NRXN3: variants seen among roughly 807,000 people sequenced by gnomAD.
The protein encoded by NRXN3 is neurexin 3, also known as neurexin III.
NRXN3 carries 32 observed loss-of-function variants against 137.6 expected under a neutral mutation model. The observed-to-expected ratio is 0.23, with a 90% CI of 0.18 to 0.31. The LOEUF is 0.31. NRXN3 is among the 10% of genes least tolerant of loss of function. The pLI, the probability that NRXN3 is intolerant of heterozygous loss-of-function variation, is 1.00. For synonymous variants in NRXN3, 798 were observed against 784.5 expected (o/e 1.02, Z -0.29); for missense variants, 1,574 against 2,062.5 (o/e 0.76, Z 4.59).
intron 15 of NRXN3, among the ~76,000 whole-genome samples, chr14:79,139,081 T>C (rs941295251): frequency 2.0e-5 from 3 of 152,338 alleles, no homozygotes; most frequent in Middle Eastern, 3.4e-3. Flanking sequence ...GGCCAATGGC[T>C]TTGTCAGTGC....
At chr14:79,203,863 G>A (rs11159402) in intron 15 of NRXN3, among the ~76,000 whole-genome samples, 4,127 of 152,250 alleles carry the variant, frequency 0.027, 79 homozygotes, top group South Asian at 0.062. Context: ...TGACTCATTT[G>A]GCCAATGGAG....
At chr14:78,722,938 GA>G (rs1358213592) in intron 8 of NRXN3, among the ~76,000 whole-genome samples, 7 of 151,874 alleles carry the variant, frequency 4.6e-5, no homozygotes, top group South Asian at 2.1e-4. Flanking sequence ...CCAGGCAGGG[GA>G]AAAAAAATTC....
intron 15 of NRXN3, among the ~76,000 whole-genome samples, chr14:79,091,486 G>T (rs1274554958): frequency 1.3e-5 from 2 of 152,002 alleles, no homozygotes; most frequent in African/African-American, 2.4e-5. Context: ...CCCTATTCCT[G>T]CTTTCCAGCT....
chr14:79,833,449 T>G (rs547647320), intron 20 of NRXN3, among the ~76,000 whole-genome samples: 32 of 152,260 alleles, frequency 2.1e-4, no homozygotes, highest in African/African-American at 7.7e-4. Flanking sequence ...CTCTGGAGTT[T>G]ATGAGGCATG....
At chr14:78,722,466 G>A (rs1196009687) in intron 8 of NRXN3, among the ~76,000 whole-genome samples, 1 of 152,318 alleles carries the variant, frequency 6.6e-6, no homozygotes, top group South Asian at 2.1e-4. Flanking sequence ...AACACAAGGG[G>A]ATTGTTGCAG....
At chr14:79,640,305 A>C (rs1249406083) in intron 16 of NRXN3, among the ~76,000 whole-genome samples, 2 of 135,602 alleles carry the variant, frequency 1.5e-5, no homozygotes, top group Non-Finnish European at 3.4e-5. Flanking sequence ...GTTTCTATAC[A>C]GCTATTTTCA....
chr14:79,605,180 G>A (rs973146503), intron 16 of NRXN3, among the ~76,000 whole-genome samples: 1 of 152,158 alleles, frequency 6.6e-6, no homozygotes, highest in Non-Finnish European at 1.5e-5. Context: ...TAGCAGGAAT[G>A]ACCTACACAT....
chr14:78,339,748 A>T (rs2081948479), intron 4 of NRXN3, among the ~76,000 whole-genome samples: 2 of 152,168 alleles, frequency 1.3e-5, no homozygotes, highest in South Asian at 2.1e-4. Flanking sequence ...TTAGGCAGCC[A>T]TGTTGACCCC....
At chr14:79,238,630 C>T (rs981761153) in intron 15 of NRXN3, among the ~76,000 whole-genome samples, 1 of 151,912 alleles carries the variant, frequency 6.6e-6, no homozygotes, top group Non-Finnish European at 1.5e-5. Flanking sequence ...TCTTAATTTT[C>T]TTTTTTACAA....
At chr14:79,247,430 T>A (rs990916764) in intron 15 of NRXN3, 2 of 152,146 alleles carry the variant, frequency 1.3e-5, no homozygotes, top group African/African-American at 4.8e-5. Flanking sequence ...TCTGTTCATG[T>A]CCCCACTTCA....
chr14:79,273,182 A>T lies in NRXN3; in HGVS notation c.3263-194039A>T, dbSNP rs1280202750. ...GCAAGACTCTGTGGCCAAAAAAAAAAAAAAAAAAAAAAAAAAAATGGGTGG... is the reference window on the plus strand; with the variant it reads ...GCAAGACTCTGTGGCCAAAAAAAAATAAAAAAAAAAAAAAAAAATGGGTGG... On this transcript the variant is annotated intron_variant, in intron 15 of 20. Transcript: ENST00000335750. Among the ~76,000 whole-genome samples the T allele has an allele frequency of 4.4e-4, 65 of 148,626 alleles. 1 individual carries two copies. Among genetic ancestry groups the T allele is most frequent in the Middle Eastern group, 3.5e-3 (1 of 282 alleles).
chr14:78,587,309 AG>A (rs1366879954), intron 4 of NRXN3, among the ~76,000 whole-genome samples: 1 of 152,196 alleles, frequency 6.6e-6, no homozygotes, highest in Non-Finnish European at 1.5e-5. Flanking sequence ...TGGCTTTCCA[AG>A]TGCCTTCTGT....
chr14:79,237,866 A>C, intron 15 of NRXN3, among the ~76,000 whole-genome samples: 1 of 152,174 alleles, frequency 6.6e-6, no homozygotes, highest in East Asian at 1.9e-4. Context: ...ACCTCTGAGC[A>C]TTAGTTATCT....
At chr14:79,385,724 A>C (rs1186734662) in intron 15 of NRXN3, among the ~76,000 whole-genome samples, 1 of 152,124 alleles carries the variant, frequency 6.6e-6, no homozygotes, top group Admixed American at 6.6e-5. Flanking sequence ...CATAGTGTAC[A>C]TGTACCCCTG....
chr14:79,768,625 A>C (rs2099065138), intron 19 of NRXN3, among the ~76,000 whole-genome samples: 1 of 152,194 alleles, frequency 6.6e-6, no homozygotes, highest in African/African-American at 2.4e-5. Flanking sequence ...CCATCTGTAC[A>C]TCACCATCAT....
At chr14:78,545,172 C>A (rs2096625871) in intron 4 of NRXN3, among the ~76,000 whole-genome samples, 1 of 152,160 alleles carries the variant, frequency 6.6e-6, no homozygotes, top group African/African-American at 2.4e-5. Flanking sequence ...AGAACCAGAA[C>A]TGACAGGAGC....
At chr14:78,222,509 G>A (rs893495113) in intron 1 of NRXN3, among the ~76,000 whole-genome samples, 1 of 152,214 alleles carries the variant, frequency 6.6e-6, no homozygotes. Context: ...GATGCTTCCC[G>A]GGGAGGAGAT....
intron 6 of NRXN3, among the ~76,000 whole-genome samples, chr14:78,677,564 T>C (rs2098022263): frequency 6.6e-6 from 1 of 152,156 alleles, no homozygotes; most frequent in Non-Finnish European, 1.5e-5. Flanking sequence ...AATCCACTCT[T>C]GGTAAAGATG....
intron 15 of NRXN3, among the ~76,000 whole-genome samples, chr14:79,009,616 A>G (rs1218135081): frequency 1.3e-5 from 2 of 152,182 alleles, no homozygotes; most frequent in African/African-American, 4.8e-5. Flanking sequence ...GGTATTTCAT[A>G]TCATCCATTT....
Sources: gnomAD v4.1 joint callset for allele counts (sites outside exome capture counted in the v4.1 genomes callset) on GRCh38, gnomAD v4.1.1 for gene constraint, MANE v1.5 for transcripts, NCBI Gene and HGNC (gene_info 2026-07-23, HGNC 2026-07-21) for gene names.